TRMO: variants seen among roughly 807,000 people sequenced by gnomAD.
The protein encoded by TRMO is tRNA methyltransferase O, also known as tRNA (adenine(37)-N6)-methyltransferase.
In TRMO, 30 loss-of-function variants were observed where a neutral mutation model predicts 37.2. The ratio of observed to expected loss-of-function variants is 0.81; its 90% CI spans 0.60 to 1.09. TRMO has a LOEUF of 1.09. Ranked by LOEUF, TRMO falls within the 50% of genes least tolerant of loss-of-function variation. The pLI, the probability that TRMO is intolerant of heterozygous loss-of-function variation, is 0.00. For missense variants in TRMO, 552 were observed against 549.5 expected, an observed-to-expected ratio of 1.00 and a Z score of -0.05; for synonymous variants, 239 against 199.4, an observed-to-expected ratio of 1.20 and a Z score of -1.67.
At chr9:97,916,446 T>C in intron 1 of TRMO, 108 bp from the exon 2 acceptor site, 3 of 730,810 alleles carry the variant, frequency 4.1e-6, no homozygotes, top group Non-Finnish European at 6.7e-6. Context: ...AATCTTAGTG[T>C]CGTGCAACTA....
the TRMO span, among the ~76,000 whole-genome samples, chr9:97,899,128 G>A: frequency 9.2e-5 from 14 of 151,946 alleles, no homozygotes; most frequent in African/African-American, 2.9e-4. Flanking sequence ...ATGAGCCACC[G>A]CACCCGGCCT....
intron 1 of TRMO, among the ~76,000 whole-genome samples, chr9:97,917,647 G>C (rs1199297503): frequency 6.6e-6 from 1 of 152,116 alleles, no homozygotes; most frequent in Non-Finnish European, 1.5e-5. Flanking sequence ...CTATCTGGAA[G>C]GATATGCACC....
chr9:97,907,491 C>T (rs1051666744), intron 4 of TRMO, among the ~76,000 whole-genome samples: 1 of 152,148 alleles, frequency 6.6e-6, no homozygotes, highest in Non-Finnish European at 1.5e-5. Context: ...GCTAGTAAAG[C>T]AGGGGAAAAT....
At chr9:97,905,111 G>A (rs550016119) in intron 4 of TRMO, 119 bp from the exon 5 acceptor site, 2 of 1,097,052 alleles carry the variant, frequency 1.8e-6, no homozygotes, top group East Asian at 2.4e-5. Context: ...GACAGGGTTT[G>A]GAAAACTATT....
At chr9:97,916,707 T>TTC (rs1161124675) in intron 1 of TRMO, among the ~76,000 whole-genome samples, 14 of 142,666 alleles carry the variant, frequency 9.8e-5, no homozygotes, top group Non-Finnish European at 1.4e-4. Context: ...ATTTCTTTCT[T>TTC]TTTTTTTTTT....
Position 97,912,833 on chromosome 9 carries a change from T to A in TRMO, c.409+568A>T, listed in dbSNP as rs1216398140. 4.5e-6 allele frequency: 4 copies of A among 896,194 alleles called. No homozygotes were observed. The African/African-American group carries it at 6.9e-5, about 15-fold the overall frequency. The allele number at this position is 896,194 out of a possible 1,614,324, so 55.5% of individuals were successfully genotyped here. ...TCCATAAATGCGTAACTAGGTTATA[T>A]ACGAACACACAGTTAAAACTAGTTT... On this transcript the variant is annotated intron_variant, in intron 3 of 4. Coordinates refer to ENST00000375119, the MANE Select transcript of TRMO (RefSeq NM_016481.5).
In TRMO at chr9:97,916,243, C is replaced by T. The variant is rs368359909; in HGVS notation, c.172G>A (p.Ala58Thr). The T allele has an allele frequency of 3.1e-6, 5 of 1,613,540 alleles. No individual in the cohort carries two copies. The highest frequency in any genetic ancestry group is 4.2e-6 in the Non-Finnish European group (5 of 1,179,610). Reference protein sequence around the residue: ...RQPSICSYSRACLRIRKRIFN... With the variant: ...RQPSICSYSRTCLRIRKRIFN... The stretch of plus-strand genomic sequence containing the variant: ...ATCCTCTTTCTAATCCTCAAACAGG[C>T]TCGAGAATAGCTACAAATGGATGGC... Residue 58 changes from alanine to threonine, a missense_variant, in exon 2 of 5, where the codon GCC (alanine) becomes ACC (threonine). Physicochemically the swap from Ala to Thr is moderately conservative, Grantham distance 58. Coordinates refer to ENST00000375119, the MANE Select transcript of TRMO (RefSeq NM_016481.5).
intron 4 of TRMO, 35 bp downstream of exon 4, chr9:97,909,925 T>A (rs146151071): frequency 2.1e-6 from 3 of 1,453,044 alleles, no homozygotes; most frequent in Non-Finnish European, 2.8e-6. Context: ...AAGTAAAAGT[T>A]CATCTCTCAT....
At chr9:97,908,981 GTCTCAC>G (rs1434645445) in intron 4 of TRMO, among the ~76,000 whole-genome samples, 1 of 152,130 alleles carries the variant, frequency 6.6e-6, no homozygotes, top group Non-Finnish European at 1.5e-5. Flanking sequence ...TTTTGATGGA[GTCTCAC>G]TCTGTCACCC....
At chr9:97,899,073 C>T in the TRMO span, among the ~76,000 whole-genome samples, 2 of 151,814 alleles carry the variant, frequency 1.3e-5, no homozygotes, top group East Asian at 3.9e-4. Flanking sequence ...CTCCCGACCT[C>T]GTGATCCGCC....
At chr9:97,919,453 A>AGGAAAGGGAAAGAAAGG in intron 1 of TRMO, among the ~76,000 whole-genome samples, 1 of 75,990 alleles carries the variant, frequency 1.3e-5, no homozygotes, top group Non-Finnish European at 3.7e-5. Flanking sequence ...GAAAGGAAAG[A>AGGAAAGGGAAAGAAAGG]AAAGAAAAGA....
At chr9:97,898,400 C>T in the TRMO span, among the ~76,000 whole-genome samples, 4 of 152,064 alleles carry the variant, frequency 2.6e-5, no homozygotes, top group Admixed American at 1.3e-4. Flanking sequence ...GCCATGATCT[C>T]GGCTCACTGT....
In TRMO at chr9:97,909,991, G is replaced by C; in HGVS notation, c.1035C>G (p.Ala345=). The C allele has an allele frequency of 6.4e-7, 1 of 1,565,456 alleles. No individual in the cohort carries two copies. Among genetic ancestry groups the C allele is most frequent in the Non-Finnish European group, 8.7e-7 (1 of 1,155,812 alleles). The change falls in exon 4 of 5, where the codon GCC becomes GCG. Residue 345 remains alanine (A), a synonymous_variant. Transcript: ENST00000375119. ...ATLEVRFTPH[A]EMDLGQLSSQ... is the part of the protein sequence containing the mutation. ...AACTGAGCTGCCCAAGGTCCATCTCGGCATGAGGAGTAAACCGCACTTCTA... is the reference window on the plus strand; with the variant it reads ...AACTGAGCTGCCCAAGGTCCATCTCCGCATGAGGAGTAAACCGCACTTCTA...
chr9:97,900,483 G>A (rs1294890697), downstream of TRMO, among the ~76,000 whole-genome samples: 1 of 152,216 alleles, frequency 6.6e-6, no homozygotes, highest in Non-Finnish European at 1.5e-5. Context: ...ACGAGTGGTT[G>A]GATTTCCATG....
intron 1 of TRMO, among the ~76,000 whole-genome samples, chr9:97,918,092 C>T (rs1826455465): frequency 6.6e-6 from 1 of 151,156 alleles, no homozygotes; most frequent in Admixed American, 6.6e-5. Context: ...TCAATAATCA[C>T]AAATTAGGCC....
Position 97,910,132 on chromosome 9 carries a change from C to A in TRMO, c.894G>T (p.Leu298Phe). 1 of 1,614,170 alleles carries A rather than the reference C, an allele frequency of 6.2e-7. No individual in the cohort carries two copies. The change falls in exon 4 of 5, where the codon TTG becomes TTT. Residue 298 changes from leucine (L) to phenylalanine (F), a missense_variant. Transcript: ENST00000375119. ...KLERVEGAAV[L>F]QGSRAETQPM... ...GCTGTGTCTCTGCCCTGCTTCCTTG[C>A]AAGACTGCTGCTCCTTCCACTCTTT...
In TRMO at chr9:97,913,512, T is replaced by C; in HGVS notation, c.298A>G (p.Lys100Glu). Reference sequence around the variant, plus strand: ...CCATTCAGCCTAGGAGGCTGCACTTTTGCCTTACAGCTCAAATGACCATTT... The same window carrying C: ...CCATTCAGCCTAGGAGGCTGCACTTCTGCCTTACAGCTCAAATGACCATTT... ...HKNGHLSCKA[K>E]VQPPRLNGAK... is the part of the protein sequence containing the mutation. The change falls in exon 3 of 5, where the codon AAA becomes GAA. Residue 100 changes from lysine to glutamate, a missense_variant. Lys to Glu is a moderately conservative substitution (Grantham distance 56). Transcript: ENST00000375119. 2 of 1,613,970 alleles carry C rather than the reference T, an allele frequency of 1.2e-6. No homozygotes were observed. The highest frequency in any genetic ancestry group is 1.7e-6 in the Non-Finnish European group (2 of 1,179,926).
intron 4 of TRMO, among the ~76,000 whole-genome samples, chr9:97,905,336 C>T (rs949872752): frequency 6.6e-6 from 1 of 152,130 alleles, no homozygotes; most frequent in Non-Finnish European, 1.5e-5. Context: ...GACTTTAATT[C>T]CTTGTCATTT....
downstream of TRMO, among the ~76,000 whole-genome samples, chr9:97,900,264 T>C (rs146583493): frequency 1.8e-3 from 269 of 152,354 alleles, no homozygotes; most frequent in Non-Finnish European, 3.2e-3. Context: ...AGCATTATCC[T>C]GGCAACAACT....
Sources: allele counts gnomAD v4.1 joint callset (sites outside exome capture counted in the v4.1 genomes callset), GRCh38; gene constraint gnomAD v4.1.1; transcripts MANE v1.5; gene names NCBI Gene and HGNC (gene_info 2026-07-23, HGNC 2026-07-21).